ADARB2: variants seen among roughly 807,000 people sequenced by gnomAD.
ADARB2 encodes the protein adenosine deaminase RNA specific B2 (inactive), also known as inactive double-stranded RNA-specific editase B2.
Under a neutral mutation model 62.2 loss-of-function variants are expected in ADARB2, and 25 were observed. The observed-to-expected ratio is 0.40, with a 90% CI of 0.29 to 0.56. The LOEUF (loss-of-function observed/expected upper bound fraction) is 0.56, where lower values mean the gene tolerates loss of function less well. Among genes scored for constraint, ADARB2 ranks in the 20% least tolerant of loss-of-function variants. The pLI is 0.43. For synonymous variants in ADARB2, 572 were observed against 500.8 expected (o/e 1.14, Z -1.90); for missense variants, 1,071 against 1,077.4 (o/e 0.99, Z 0.08).
At chr10:1,574,914 A>G (rs1307491425) in intron 1 of ADARB2, among the ~76,000 whole-genome samples, 1 of 152,216 alleles carries the variant, frequency 6.6e-6, no homozygotes, top group Non-Finnish European at 1.5e-5. Flanking sequence ...GGGTGATCTC[A>G]GGATGTTGAG....
chr10:1,351,819 C>G (rs1263784778), intron 3 of ADARB2, among the ~76,000 whole-genome samples: 2 of 151,738 alleles, frequency 1.3e-5, no homozygotes, highest in African/African-American at 2.4e-5. Context: ...TTACAATTCC[C>G]CCATTTTACC....
chr10:1,362,954 C>A, intron 3 of ADARB2, 74 bp downstream of exon 3: 2 of 1,242,326 alleles, frequency 1.6e-6, no homozygotes, highest in South Asian at 2.8e-5. Flanking sequence ...ACGCCACTCC[C>A]AACAGGGAAA....
chr10:1,719,918 A>G (rs928209922), intron 1 of ADARB2, among the ~76,000 whole-genome samples: 38 of 152,354 alleles, frequency 2.5e-4, no homozygotes, highest in African/African-American at 7.7e-4. Context: ...TATGGAAAAA[A>G]GAGAATGCTT....
At chr10:1,231,383 T>G (rs1446718199) in intron 6 of ADARB2, among the ~76,000 whole-genome samples, 1 of 152,230 alleles carries the variant, frequency 6.6e-6, no homozygotes, top group Admixed American at 6.5e-5. Flanking sequence ...TTCACAGTTT[T>G]ATAGGGTGAG....
intron 3 of ADARB2, among the ~76,000 whole-genome samples, chr10:1,316,527 C>T (rs1831741560): frequency 6.6e-6 from 1 of 152,212 alleles, no homozygotes; most frequent in Non-Finnish European, 1.5e-5. Context: ...AAAATAATCC[C>T]AGTCATTCTG....
chr10:1,621,604 T>G (rs1447599046), intron 1 of ADARB2, among the ~76,000 whole-genome samples: 1 of 152,162 alleles, frequency 6.6e-6, no homozygotes, highest in Non-Finnish European at 1.5e-5. Flanking sequence ...CTTGTAGAGA[T>G]GAGTTTTCAC....
At position 1,485,548 on chromosome 10, in the gene ADARB2, G is replaced by C. The variant is rs892904152; in HGVS notation, c.101-106388C>G. Among the ~76,000 whole-genome samples, 3 of 152,286 alleles carry C rather than the reference G, an allele frequency of 2.0e-5. No individual in the cohort carries two copies. In the South Asian group the frequency reaches 6.2e-4, roughly 32 times the overall value. ...TCTCTGGCCGCTGCCCACTTGCAGT[G>C]GGTGGGGGCAGAAGAGTCCACCAAG... On this transcript the variant is annotated intron_variant, in intron 1 of 9. Coordinates refer to ENST00000381312, the MANE Select transcript of ADARB2 (RefSeq NM_018702.4).
At chr10:1,529,696 G>C (rs1201812577) in intron 1 of ADARB2, among the ~76,000 whole-genome samples, 1 of 152,196 alleles carries the variant, frequency 6.6e-6, no homozygotes, top group Admixed American at 6.5e-5. Context: ...TCCACGGGAG[G>C]GGGAGGCTTC....
At position 1,581,801 on chromosome 10, in the gene ADARB2, A is replaced by G. The variant is rs146849216; in HGVS notation, c.100+155250T>C. Among the ~76,000 whole-genome samples, 911 of 151,620 alleles carry G rather than the reference A, an allele frequency of 6.0e-3. 7 individuals are homozygous for G. Among genetic ancestry groups the G allele is most frequent in the African/African-American group, 0.021 (859 of 41,312 alleles). On this transcript the variant is annotated intron_variant, in intron 1 of 9. Transcript: ENST00000381312. ...GAGAGAGACACAGATGCACCCAGAT[A>G]GGCATAGAGATGACTTAGAAATAGA...
intron 1 of ADARB2, among the ~76,000 whole-genome samples, chr10:1,642,753 GCACACACACTCACACTCCCTCACTCA>G (rs1236441391): frequency 1.3e-5 from 2 of 151,462 alleles, no homozygotes; most frequent in African/African-American, 2.4e-5. Flanking sequence ...ACACTCACAT[GCACACACACTCACACTCCCTCACTCA>G]CACACCCACT....
At chr10:1,492,123 G>A (rs1831629504) in intron 1 of ADARB2, among the ~76,000 whole-genome samples, 2 of 152,202 alleles carry the variant, frequency 1.3e-5, no homozygotes, top group South Asian at 4.1e-4. Flanking sequence ...ATATAGTTTA[G>A]TGGCAGAAGG....
intron 8 of ADARB2, among the ~76,000 whole-genome samples, chr10:1,193,956 T>G (rs1217222344): frequency 6.6e-6 from 1 of 152,228 alleles, no homozygotes; most frequent in Non-Finnish European, 1.5e-5. Context: ...CAAATCTGCA[T>G]TTGGATGCTT....
intron 3 of ADARB2, among the ~76,000 whole-genome samples, chr10:1,353,912 C>T (rs888190347): frequency 3.3e-5 from 5 of 152,168 alleles, no homozygotes; most frequent in Non-Finnish European, 7.3e-5. Flanking sequence ...CCTCCCATGC[C>T]CTCTTCTTGT....
chr10:1,234,671 A>G (rs1221768228), intron 5 of ADARB2, among the ~76,000 whole-genome samples: 1 of 139,390 alleles, frequency 7.2e-6, no homozygotes, highest in African/African-American at 2.6e-5. Flanking sequence ...GGAACTTCTG[A>G]GCTCAAGCGA....
chr10:1,344,238 AG>A (rs1832057992), intron 3 of ADARB2, among the ~76,000 whole-genome samples: 1 of 152,204 alleles, frequency 6.6e-6, no homozygotes, highest in African/African-American at 2.4e-5. Flanking sequence ...CATCAGACCA[AG>A]CTACAAGGCA....
At chr10:1,430,855 G>T (rs1830771074) in intron 1 of ADARB2, among the ~76,000 whole-genome samples, 3 of 152,180 alleles carry the variant, frequency 2.0e-5, no homozygotes, top group Admixed American at 2.0e-4. Context: ...AATCCACTGG[G>T]AAGACATAAC....
chr10:1,185,455 A>G (rs1836739291), intron 8 of ADARB2, among the ~76,000 whole-genome samples: 1 of 152,208 alleles, frequency 6.6e-6, no homozygotes. Flanking sequence ...AGCAACATGC[A>G]GCTCCCTGGC....
At chr10:1,234,547 C>T (rs184835409) in intron 5 of ADARB2, among the ~76,000 whole-genome samples, 134 of 150,862 alleles carry the variant, frequency 8.9e-4, no homozygotes, top group African/African-American at 3.1e-3. Flanking sequence ...CTCAAGTGAT[C>T]CTCCTGCCTC....
At chr10:1,657,705 G>T (rs1323070599) in intron 1 of ADARB2, among the ~76,000 whole-genome samples, 5 of 152,186 alleles carry the variant, frequency 3.3e-5, no homozygotes, top group African/African-American at 1.2e-4. Flanking sequence ...CCGAGCGCAG[G>T]GTGCTGGAAT....
Sources: gnomAD v4.1 joint callset for allele counts (sites outside exome capture counted in the v4.1 genomes callset) on GRCh38, gnomAD v4.1.1 for gene constraint, MANE v1.5 for transcripts, NCBI Gene and HGNC (gene_info 2026-07-23, HGNC 2026-07-21) for gene names.